Variants in KDM4C observed in about 807,000 individuals in gnomAD.
KDM4C encodes the protein lysine demethylase 4C.
In KDM4C, 81 loss-of-function variants were observed where a neutral mutation model predicts 129.3. The observed-to-expected ratio is 0.63, with a 90% CI of 0.52 to 0.75. KDM4C has a LOEUF of 0.75. KDM4C is among the 30% of genes least tolerant of loss of function. The pLI is 0.00. For missense variants in KDM4C, 1,457 were observed against 1,304.0 expected, an observed-to-expected ratio of 1.12 and a Z score of -1.81; for synonymous variants, 573 against 456.1, an observed-to-expected ratio of 1.26 and a Z score of -3.26.
intron 1 of KDM4C, among the ~76,000 whole-genome samples, chr9:6,738,114 C>G (rs958872601): frequency 2.0e-5 from 3 of 149,988 alleles, no homozygotes; most frequent in South Asian, 2.1e-4. Context: ...GCCTGGGCAA[C>G]AAGACCAAAA....
chr9:7,143,582 G>A (rs569762141), intron 19 of KDM4C, among the ~76,000 whole-genome samples: 8 of 152,256 alleles, frequency 5.3e-5, no homozygotes, highest in Non-Finnish European at 7.4e-5. Flanking sequence ...CTCTTGTTTG[G>A]ATAAATCTAA....
At chr9:6,791,778 T>C (rs896942622) in intron 1 of KDM4C, among the ~76,000 whole-genome samples, 1 of 152,200 alleles carries the variant, frequency 6.6e-6, no homozygotes, top group African/African-American at 2.4e-5. Flanking sequence ...ATCCCAGCAC[T>C]TTGGGAGGCC....
At chr9:7,077,214 C>T (rs1319219560) in intron 17 of KDM4C, 1 of 985,306 alleles carries the variant, frequency 1.0e-6, no homozygotes, top group African/African-American at 1.7e-5. Context: ...CATTGGCATT[C>T]AAGATGCAAC....
At chr9:6,969,636 A>T (rs896658068) in intron 8 of KDM4C, among the ~76,000 whole-genome samples, 3 of 152,208 alleles carry the variant, frequency 2.0e-5, no homozygotes, top group Non-Finnish European at 2.9e-5. Flanking sequence ...CTGACTATCA[A>T]ATCATTTTTT....
chr9:7,004,291 G>A (rs1821259399), intron 12 of KDM4C, among the ~76,000 whole-genome samples: 2 of 152,218 alleles, frequency 1.3e-5, no homozygotes, highest in East Asian at 3.9e-4. Flanking sequence ...TGTTCTTAAG[G>A]CAAGGTTTCC....
chr9:6,803,678 A>G (rs1829429119), intron 2 of KDM4C, among the ~76,000 whole-genome samples: 1 of 151,838 alleles, frequency 6.6e-6, no homozygotes, highest in Non-Finnish European at 1.5e-5. Flanking sequence ...TTGGGAGGCC[A>G]AGGCAGATCA....
intron 4 of KDM4C, among the ~76,000 whole-genome samples, chr9:6,816,673 C>G (rs775574127): frequency 6.6e-6 from 1 of 152,176 alleles, no homozygotes; most frequent in Non-Finnish European, 1.5e-5. Flanking sequence ...GCCCCACATC[C>G]TCCCTAACAC....
At chr9:6,923,828 G>A (rs561759823) in intron 8 of KDM4C, among the ~76,000 whole-genome samples, 10 of 152,054 alleles carry the variant, frequency 6.6e-5, no homozygotes, top group Non-Finnish European at 1.3e-4. Flanking sequence ...TCTTTTTGGG[G>A]GCAGAGAACC....
At chr9:6,887,751 T>A (rs1845510415) in intron 6 of KDM4C, among the ~76,000 whole-genome samples, 1 of 152,246 alleles carries the variant, frequency 6.6e-6, no homozygotes, top group African/African-American at 2.4e-5. Flanking sequence ...AATCTGTTTG[T>A]AAAGAAGATC....
intron 6 of KDM4C, among the ~76,000 whole-genome samples, chr9:6,885,003 C>G (rs1453704565): frequency 1.3e-5 from 2 of 152,128 alleles, no homozygotes; most frequent in Non-Finnish European, 2.9e-5. Context: ...TTTTTTGAGT[C>G]AGTTTTATTC....
Position 7,174,826 on chromosome 9 carries a change from G to T in KDM4C, c.*97G>T. On this transcript the variant is annotated 3_prime_UTR_variant, in exon 22 of 22. Transcript: ENST00000381309. ...CTGTGCCGTGAGTTTTGCTGGCATA[G>T]GTGACAGGGTGTGTCTCTGACAGTG... 9.7e-7 allele frequency: 1 copy of T among 1,033,088 alleles called. No individual in the cohort carries two copies. The highest frequency in any genetic ancestry group is 1.4e-6 in the Non-Finnish European group (1 of 690,174). 64.0% of individuals were successfully genotyped at this position (1,033,088 alleles called of 1,614,324 possible).
intron 19 of KDM4C, among the ~76,000 whole-genome samples, chr9:7,159,678 G>A (rs1280795186): frequency 1.3e-5 from 2 of 152,194 alleles, no homozygotes; most frequent in African/African-American, 2.4e-5. Flanking sequence ...CTTCTGGCTT[G>A]TAGGGTTTCT....
intron 15 of KDM4C, among the ~76,000 whole-genome samples, chr9:7,024,013 T>G (rs1825341999): frequency 6.6e-6 from 1 of 152,220 alleles, no homozygotes; most frequent in African/African-American, 2.4e-5. Context: ...ATTATTGCAC[T>G]TTTTTTGAAC....
Position 6,990,536 on chromosome 9 carries a change from A to G in KDM4C, c.1786+12A>G, listed in dbSNP as rs746165838. 8.1e-6 allele frequency: 12 copies of G among 1,477,092 alleles called. No individual in the cohort carries two copies. Among genetic ancestry groups the G allele is most frequent in the Non-Finnish European group, 1.1e-5 (12 of 1,104,578 alleles). The allele number at this position is 1,477,092 out of a possible 1,614,324, so 91.5% of individuals were successfully genotyped here. A position where few individuals can be genotyped will look rare whatever the true frequency, so the allele number is the denominator to read the frequency against. On this transcript the variant is annotated intron_variant, in intron 12 of 21. Coordinates refer to ENST00000381309, the MANE Select transcript of KDM4C (RefSeq NM_015061.6). ...GCCAAGTGATGAAGGTGAGATGGTG[A>G]CCCTTTTTGGGATTTTTTTTTTTTT...
intron 20 of KDM4C, among the ~76,000 whole-genome samples, chr9:7,166,408 G>A (rs1290954637): frequency 6.6e-6 from 1 of 151,466 alleles, no homozygotes; most frequent in Non-Finnish European, 1.5e-5. Context: ...AAACCTAAGG[G>A]GAATGGATAG....
intron 8 of KDM4C, among the ~76,000 whole-genome samples, chr9:6,909,885 C>T (rs535897218): frequency 6.6e-6 from 1 of 152,072 alleles, no homozygotes; most frequent in Non-Finnish European, 1.5e-5. Flanking sequence ...TGAAGCGGCA[C>T]ATCATTGGTG....
chr9:6,950,631 C>A (rs1345803464), intron 8 of KDM4C, among the ~76,000 whole-genome samples: 1 of 152,192 alleles, frequency 6.6e-6, no homozygotes, highest in African/African-American at 2.4e-5. Context: ...TTTATTAATA[C>A]TGATTAAACT....
In KDM4C at chr9:6,984,158, G is replaced by A. The variant is rs1481349126; in HGVS notation, c.1116-8G>A. 2.5e-6 allele frequency: 4 copies of A among 1,596,690 alleles called. No homozygotes were observed. Among genetic ancestry groups the A allele is most frequent in the Admixed American group, 3.3e-5 (2 of 59,898 alleles). ...TCCCGCTCTGACCACTGCTTCTCTT[G>A]TTGACAGCTTCCAGTGTGCTAGGTC... On this transcript the variant is annotated splice_polypyrimidine_tract_variant and splice_region_variant and intron_variant, in intron 9 of 21. Coordinates refer to ENST00000381309, the MANE Select transcript of KDM4C (RefSeq NM_015061.6).
At chr9:7,049,045 T>A in intron 16 of KDM4C, 47 bp from the exon 17 acceptor site, 8 of 1,284,940 alleles carry the variant, frequency 6.2e-6, no homozygotes, top group Non-Finnish European at 9.1e-6. Flanking sequence ...TTGAAGTATG[T>A]AAGTTTAGGG....
Sources: gnomAD v4.1 joint callset for allele counts (sites outside exome capture counted in the v4.1 genomes callset) on GRCh38, gnomAD v4.1.1 for gene constraint, MANE v1.5 for transcripts, NCBI Gene and HGNC (gene_info 2026-07-23, HGNC 2026-07-21) for gene names.